Variants in VWC2 observed in about 807,000 individuals in gnomAD.
VWC2 encodes the protein von Willebrand factor C domain containing 2, also known as brorin.
Under a neutral mutation model 29.8 loss-of-function variants are expected in VWC2, and 14 were observed. The observed-to-expected ratio is 0.47, with a 90% CI of 0.31 to 0.74. The LOEUF is 0.74. VWC2 is among the 30% of genes least tolerant of loss of function. The pLI, the probability that VWC2 is intolerant of heterozygous loss-of-function variation, is 0.05. For synonymous variants in VWC2, 213 were observed against 199.0 expected (o/e 1.07, Z -0.59); for missense variants, 457 against 459.8 (o/e 0.99, Z 0.05).
intron 3 of VWC2, among the ~76,000 whole-genome samples, chr7:49,864,437 T>A (rs969255398): frequency 2.0e-5 from 3 of 152,300 alleles, no homozygotes; most frequent in African/African-American, 7.2e-5. Flanking sequence ...CTTGGGCAAG[T>A]GCATGGTGTT....
At chr7:49,823,436 G>T (rs1789311854) in intron 3 of VWC2, among the ~76,000 whole-genome samples, 1 of 152,184 alleles carries the variant, frequency 6.6e-6, no homozygotes, top group Non-Finnish European at 1.5e-5. Context: ...AGCTATTAGG[G>T]TATGTTTAAA....
intron 3 of VWC2, among the ~76,000 whole-genome samples, chr7:49,879,206 T>C (rs781613902): frequency 9.2e-5 from 14 of 152,208 alleles, no homozygotes; most frequent in Admixed American, 8.5e-4. Context: ...TCTGCCTAAA[T>C]TCCTAATTTT....
At chr7:49,886,866 T>A (rs1791926068) in intron 3 of VWC2, among the ~76,000 whole-genome samples, 2 of 152,248 alleles carry the variant, frequency 1.3e-5, no homozygotes, top group Admixed American at 1.3e-4. Flanking sequence ...AAAATGTGTA[T>A]GTTTCAATTG....
At chr7:49,799,276 C>T (rs141611629) in intron 2 of VWC2, among the ~76,000 whole-genome samples, 204 of 152,320 alleles carry the variant, frequency 1.3e-3, no homozygotes, top group African/African-American at 4.6e-3. Flanking sequence ...TAGGACAGCC[C>T]GCCTGCAGGA....
intron 3 of VWC2, among the ~76,000 whole-genome samples, chr7:49,854,164 G>A (rs755626670): frequency 7.3e-4 from 111 of 152,100 alleles, no homozygotes; most frequent in African/African-American, 2.3e-3. Context: ...GAATAGTGCC[G>A]CAATAAGCAT....
chr7:49,813,062 C>T (rs1019448479), intron 3 of VWC2, among the ~76,000 whole-genome samples: 5 of 152,140 alleles, frequency 3.3e-5, no homozygotes, highest in South Asian at 2.1e-4. Context: ...CCACATGTCC[C>T]GCTCTCCTGT....
rs1583795348 is a variant in VWC2 at position 49,902,283 on chromosome 7, A to AT, written c.827-9750dup. Among the ~76,000 whole-genome samples the AT allele has an allele frequency of 3.9e-5, 6 of 152,144 alleles. No individual in the cohort carries two copies. The East Asian group carries it at 1.2e-3, about 29-fold the overall frequency. On this transcript the variant is annotated intron_variant, in intron 3 of 3. Coordinates refer to ENST00000340652, the MANE Select transcript of VWC2 (RefSeq NM_198570.5). ...CTGGAAGAAAACATTTGCAAAAGAC[A>AT]TAAAAAAAACTGTTGTCCTAAATAT...
intron 3 of VWC2, among the ~76,000 whole-genome samples, chr7:49,845,728 A>G (rs573045931): frequency 6.6e-6 from 1 of 152,350 alleles, no homozygotes; most frequent in East Asian, 1.9e-4. Flanking sequence ...AATTAAACCC[A>G]AGAGCACTTC....
rs542565349 is a variant in VWC2 at position 49,912,444 on chromosome 7, C to G, written c.*259C>G. ...TTCACAGTAAGTACACAAAAGTACA[C>G]TATTATATATCAAATGTATTTCTAT... On this transcript the variant is annotated 3_prime_UTR_variant, in exon 4 of 4. Coordinates refer to ENST00000340652, the MANE Select transcript of VWC2 (RefSeq NM_198570.5). 757 of 350,854 alleles carry G rather than the reference C, an allele frequency of 2.2e-3. 4 individuals carry two copies. The highest frequency in any genetic ancestry group is 3.4e-3 in the Admixed American group (81 of 23,934). The allele number at this position is 350,854 out of a possible 1,614,324, so 21.7% of individuals were successfully genotyped here.
chr7:49,871,377 C>T (rs2128723360), intron 3 of VWC2, among the ~76,000 whole-genome samples: 2 of 152,158 alleles, frequency 1.3e-5, no homozygotes, highest in South Asian at 4.2e-4. Flanking sequence ...TATAACATTG[C>T]TTTTAATAAG....
chr7:49,852,523 G>C (rs1790221891), intron 3 of VWC2, among the ~76,000 whole-genome samples: 2 of 152,118 alleles, frequency 1.3e-5, no homozygotes, highest in Non-Finnish European at 2.9e-5. Flanking sequence ...TTAAAATTGG[G>C]GGGGCAGAAG....
At chr7:49,832,400 A>G (rs1562722558) in intron 3 of VWC2, among the ~76,000 whole-genome samples, 2 of 152,164 alleles carry the variant, frequency 1.3e-5, no homozygotes, top group Non-Finnish European at 2.9e-5. Flanking sequence ...TGAGAAATAG[A>G]GAATTCTATT....
intron 3 of VWC2, among the ~76,000 whole-genome samples, chr7:49,876,112 G>C (rs192438141): frequency 2.0e-5 from 3 of 152,240 alleles, no homozygotes; most frequent in East Asian, 3.9e-4. Context: ...TAATCCTAAA[G>C]AAAGGATCCA....
At position 49,920,297 on chromosome 7, in the gene VWC2, G is replaced by A. The variant is rs1793962251; in HGVS notation, c.*8112G>A. On this transcript the variant is annotated 3_prime_UTR_variant, in exon 4 of 4. Coordinates refer to ENST00000340652, the MANE Select transcript of VWC2 (RefSeq NM_198570.5). The stretch of plus-strand genomic sequence containing the variant: ...AATAATAAAAGTGGTATTTGGATGA[G>A]ATAATTTTCCTTTAAATTTATTCCT... The A allele has an allele frequency of 6.6e-6, 1 of 152,152 alleles. No homozygotes were observed. Among genetic ancestry groups the A allele is most frequent in the Admixed American group, 6.5e-5 (1 of 15,268 alleles). The allele number at this position is 152,152 out of a possible 1,614,324, so 9.4% of individuals were successfully genotyped here. A position where few individuals can be genotyped will look rare whatever the true frequency, so the allele number is the denominator to read the frequency against.
chr7:49,916,648 A>G lies in VWC2; in HGVS notation c.*4463A>G, dbSNP rs1472717936. 1 of 152,188 alleles carries G rather than the reference A, an allele frequency of 6.6e-6. No individual in the cohort carries two copies. The highest frequency in any genetic ancestry group is 1.5e-5 in the Non-Finnish European group (1 of 68,034). 9.4% of individuals were successfully genotyped at this position (152,188 alleles called of 1,614,324 possible). On this transcript the variant is annotated 3_prime_UTR_variant, in exon 4 of 4. Coordinates refer to ENST00000340652, the MANE Select transcript of VWC2 (RefSeq NM_198570.5). ...ATTCCCAAAACATCACCCAATATCT[A>G]TATGTTAAAGGCTTGTTGAATTGTA...
chr7:49,877,480 AAATATAT>A (rs1365758786), intron 3 of VWC2, among the ~76,000 whole-genome samples: 12 of 23,504 alleles, frequency 5.1e-4, no homozygotes, highest in African/African-American at 2.3e-3. Flanking sequence ...AAAAAAAAAA[AAATATAT>A]ATATATATAT....
At chr7:49,844,842 G>A (rs1002689916) in intron 3 of VWC2, among the ~76,000 whole-genome samples, 6 of 151,972 alleles carry the variant, frequency 3.9e-5, no homozygotes, top group East Asian at 1.9e-4. Context: ...ACAGGTGCCC[G>A]CCACTACGTC....
At chr7:49,799,787 C>T (rs1788693035) in intron 2 of VWC2, among the ~76,000 whole-genome samples, 1 of 152,154 alleles carries the variant, frequency 6.6e-6, no homozygotes, top group African/African-American at 2.4e-5. Flanking sequence ...TATTACACAC[C>T]TAGGTTATAT....
At chr7:49,856,893 C>G (rs1029372907) in intron 3 of VWC2, among the ~76,000 whole-genome samples, 2 of 151,550 alleles carry the variant, frequency 1.3e-5, no homozygotes, top group African/African-American at 2.4e-5. Flanking sequence ...CCTGTAGTCC[C>G]AGCTACTCGG....
Sources: allele counts gnomAD v4.1 joint callset (sites outside exome capture counted in the v4.1 genomes callset), GRCh38; gene constraint gnomAD v4.1.1; transcripts MANE v1.5; gene names NCBI Gene and HGNC (gene_info 2026-07-23, HGNC 2026-07-21).